Variants in METTL2A observed in about 807,000 individuals in gnomAD.
METTL2A encodes the protein methyltransferase 2A, tRNA N3-cytidine.
In METTL2A, 45 loss-of-function variants were observed where a neutral mutation model predicts 49.4. The observed-to-expected ratio is 0.91, with a 90% CI of 0.72 to 1.17. The LOEUF (loss-of-function observed/expected upper bound fraction) is 1.17. Among genes scored for constraint, METTL2A ranks in the 50% most tolerant of loss-of-function variants. The pLI is 0.00. For synonymous variants in METTL2A, 118 were observed against 167.5 expected, an observed-to-expected ratio of 0.70 and a Z score of 2.28; for missense variants, 361 against 462.2, an observed-to-expected ratio of 0.78 and a Z score of 2.01.
intron 6 of METTL2A, among the ~76,000 whole-genome samples, chr17:62,443,223 T>A (rs2070748204): frequency 6.6e-6 from 1 of 151,916 alleles, no homozygotes; most frequent in Non-Finnish European, 1.5e-5. Context: ...AAAATAAAAA[T>A]AAAAAAATTT....
intron 5 of METTL2A, among the ~76,000 whole-genome samples, chr17:62,437,134 T>G (rs1389053043): frequency 1.1e-5 from 1 of 91,304 alleles, no homozygotes; most frequent in Non-Finnish European, 1.9e-5. Flanking sequence ...CAGGCTTCAC[T>G]TTTTTTTTTT....
chr17:62,427,896 C>T (rs1307761861), intron 4 of METTL2A, 59 bp downstream of exon 4: 39 of 1,502,232 alleles, frequency 2.6e-5, no homozygotes, highest in Non-Finnish European at 3.2e-5. Flanking sequence ...GTTGGCTGGG[C>T]GCATTGCTTC....
chr17:62,424,038 C>G (rs772806682), intron 1 of METTL2A, 26 bp downstream of exon 1: 1 of 1,609,674 alleles, frequency 6.2e-7, no homozygotes, highest in African/African-American at 1.3e-5. Flanking sequence ...CTTCGCCCGG[C>G]CTGTCGCTGA....
intron 5 of METTL2A, among the ~76,000 whole-genome samples, chr17:62,440,111 T>C (rs2070729035): frequency 6.6e-6 from 1 of 151,082 alleles, no homozygotes; most frequent in Admixed American, 6.6e-5. Flanking sequence ...CTGCAACCTC[T>C]GCCTCCTGGG....
chr17:62,446,411 A>G (rs1396377174), intron 7 of METTL2A, among the ~76,000 whole-genome samples: 2 of 152,174 alleles, frequency 1.3e-5, no homozygotes, highest in African/African-American at 4.8e-5. Flanking sequence ...CTTGGGTTCA[A>G]GCAATTCTCC....
Position 62,451,390 on chromosome 17 carries a change from TGCCCGCCTTG to T in METTL2A, c.*2665_*2674del, listed in dbSNP as rs1170034492. On this transcript the variant is annotated 3_prime_UTR_variant, in exon 9 of 9. Coordinates refer to ENST00000311506, the MANE Select transcript of METTL2A (RefSeq NM_181725.4). ...CTCGAACTCCCGACCTCAGGTGATC[TGCCCGCCTTG>T]GCCTCCCAAAGTGCTGGGATTACAG... Among the ~76,000 whole-genome samples the T allele has an allele frequency of 1.3e-5, 2 of 150,140 alleles. No homozygotes were observed. The highest frequency in any genetic ancestry group is 3.0e-5 in the Non-Finnish European group (2 of 67,536).
rs112188108 is a variant in METTL2A at position 62,426,390 on chromosome 17, C to T, written c.294C>T (p.Thr98=). 1.1e-5 allele frequency: 17 copies of T among 1,613,748 alleles called. No homozygotes were observed. The highest frequency in any genetic ancestry group is 3.3e-5 in the Admixed American group (2 of 59,958). ...TCAAGGATAGACATTGGCTTTTTAC[C>T]GAATTCCCTGAGCTGGCACCTAGCC... ...GFFKDRHWLF[T]EFPELAPSQN... The change falls in exon 3 of 9, where the codon ACC becomes ACT. Residue 98 remains threonine (T), a synonymous_variant. Coordinates refer to ENST00000311506, the MANE Select transcript of METTL2A (RefSeq NM_181725.4).
Position 62,448,717 on chromosome 17 carries a change from CA to C in METTL2A, c.1126del (p.Ser376AlafsTer42), listed in dbSNP as rs1388531395. 1.2e-6 allele frequency: 2 copies of C among 1,613,940 alleles called. No homozygotes were observed. The highest frequency in any genetic ancestry group is 3.3e-5 in the Admixed American group (2 of 59,952). The part of the protein sequence containing the change: ...QCKYCKPLLS[S>X]TS ...GCAAATACTGCAAGCCCCTTCTGTC[CA>C]GCACCAGCTGAGAGGCACCTGCTGC... is the stretch of plus-strand genomic sequence containing the variant. On this transcript the variant is annotated frameshift_variant, in exon 9 of 9. Coordinates refer to ENST00000311506, the MANE Select transcript of METTL2A (RefSeq NM_181725.4). LOFTEE classifies it high-confidence loss of function.
At chr17:62,425,389 CTT>C (rs746253160) in intron 2 of METTL2A, among the ~76,000 whole-genome samples, 7 of 78,212 alleles carry the variant, frequency 9.0e-5, no homozygotes, top group South Asian at 4.2e-4. Context: ...ACTGTCCATA[CTT>C]TTTTTTTTTT....
At chr17:62,425,787 T>A (rs891438599) in intron 2 of METTL2A, among the ~76,000 whole-genome samples, 47 of 146,476 alleles carry the variant, frequency 3.2e-4, no homozygotes, top group African/African-American at 1.1e-3. Context: ...GATCACGAGG[T>A]CAGGAGATCG....
At chr17:62,441,587 C>T (rs780306831) in intron 6 of METTL2A, among the ~76,000 whole-genome samples, 1 of 152,000 alleles carries the variant, frequency 6.6e-6, no homozygotes, top group African/African-American at 2.4e-5. Context: ...GCTGGGATTA[C>T]AGGCACCTGC....
chr17:62,428,294 G>T (rs1272198088), intron 4 of METTL2A, among the ~76,000 whole-genome samples: 118 of 152,324 alleles, frequency 7.7e-4, no homozygotes, highest in Non-Finnish European at 1.3e-4. Context: ...CATACATGAA[G>T]ATGTCTCCTG....
chr17:62,448,401 C>T (rs1183657513), intron 8 of METTL2A, among the ~76,000 whole-genome samples, 174 bp from the exon 9 acceptor site: 1 of 151,966 alleles, frequency 6.6e-6, no homozygotes, highest in Non-Finnish European at 1.5e-5. Flanking sequence ...CAGTGGCTTC[C>T]CCTACCTAAA....
chr17:62,436,645 C>T (rs28855154), intron 5 of METTL2A, among the ~76,000 whole-genome samples: 5,139 of 152,224 alleles, frequency 0.034, 304 homozygotes, highest in African/African-American at 0.12. Context: ...TGCTAGTGGA[C>T]GGTCTTGCCT....
chr17:62,424,162 T>C, intron 1 of METTL2A, 57 bp from the exon 2 acceptor site: 8 of 1,612,708 alleles, frequency 5.0e-6, no homozygotes, highest in Non-Finnish European at 6.8e-6. Flanking sequence ...GGCCAGCGAC[T>C]CACCCTGCCC....
Position 62,426,314 on chromosome 17 carries a change from A to G in METTL2A, c.218A>G (p.Asn73Ser), listed in dbSNP as rs769820224. The stretch of plus-strand genomic sequence containing the variant: ...ATATTTACAGTTGATTATGAGATCA[A>G]TGCCCACAAATACTGGAATGACTTC... Reference protein sequence around the residue: ...CQEKQVDYEINAHKYWNDFYK... With the variant: ...CQEKQVDYEISAHKYWNDFYK... Residue 73 changes from asparagine (N) to serine (S), a missense_variant, in exon 3 of 9, where the codon AAT becomes AGT. This residue lies in a region of METTL2A where 150 missense variants were observed against 170.1 expected (regional missense o/e 0.88). Coordinates refer to ENST00000311506, the MANE Select transcript of METTL2A (RefSeq NM_181725.4). 4.7e-5 allele frequency: 76 copies of G among 1,604,004 alleles called. No homozygotes were observed. The African/African-American group carries it at 9.1e-4, about 19-fold the overall frequency.
intron 4 of METTL2A, among the ~76,000 whole-genome samples, chr17:62,431,006 C>T (rs1412584939): frequency 6.6e-6 from 1 of 152,196 alleles, no homozygotes; most frequent in Non-Finnish European, 1.5e-5. Context: ...GCTGGGATTA[C>T]AGGCATGTGC....
At chr17:62,448,009 G>T (rs2070780648) in intron 8 of METTL2A, among the ~76,000 whole-genome samples, 1 of 152,142 alleles carries the variant, frequency 6.6e-6, no homozygotes, top group Admixed American at 6.5e-5. Context: ...CTCCCTGTCT[G>T]CCACTGTCCA....
Position 62,440,713 on chromosome 17 carries a change from A to G in METTL2A, c.766A>G (p.Ile256Val), listed in dbSNP as rs2070733994. ...CCCAGTGCCCAAGGGCAGTCTTGAT[A>G]TTATCATTCTCATATTTGTTCTTTC... Reference protein sequence around the residue: ...SYPVPKGSLDIIILIFVLSAI... With the variant: ...SYPVPKGSLDVIILIFVLSAI... The change falls in exon 6 of 9, where the codon ATT (isoleucine) becomes GTT (valine). Residue 256 changes from isoleucine to valine, a missense_variant. This residue lies in a region of METTL2A where 183 missense variants were observed against 216.5 expected (regional missense o/e 0.85). Transcript: ENST00000311506. The G allele has an allele frequency of 2.2e-5, 35 of 1,614,002 alleles. No individual in the cohort carries two copies. The highest frequency in any genetic ancestry group is 1.6e-4 in the Middle Eastern group (1 of 6,062).
Sources: gnomAD v4.1 joint callset for allele counts (sites outside exome capture counted in the v4.1 genomes callset) on GRCh38, gnomAD v4.1.1 for gene constraint, gnomAD v4.1.1 regional missense constraint, MANE v1.5 for transcripts, NCBI Gene and HGNC (gene_info 2026-07-23, HGNC 2026-07-21) for gene names.